Variants in SAMD12 observed in about 807,000 individuals in gnomAD.
SAMD12 encodes sterile alpha motif domain containing 12.
SAMD12 carries 9 observed loss-of-function variants against 15.0 expected under a neutral mutation model. The observed-to-expected ratio is 0.60, with a 90% CI of 0.36 to 1.05. SAMD12 has a LOEUF of 1.05. Among genes scored for constraint, SAMD12 ranks in the 50% least tolerant of loss-of-function variants. The pLI, the probability that SAMD12 is intolerant of heterozygous loss-of-function variation, is 0.01. For missense variants in SAMD12, 230 were observed against 234.2 expected, an observed-to-expected ratio of 0.98 and a Z score of 0.12; for synonymous variants, 86 against 90.1, an observed-to-expected ratio of 0.96 and a Z score of 0.25.
chr8:118,506,595 T>TA (rs1361034434), intron 2 of SAMD12, among the ~76,000 whole-genome samples: 2 of 151,996 alleles, frequency 1.3e-5, no homozygotes, highest in South Asian at 2.1e-4. Context: ...ATAAATGGAT[T>TA]AAAAAAAGTA....
chr8:118,271,048 T>C (rs1359764887), intron 4 of SAMD12, among the ~76,000 whole-genome samples: 3 of 152,214 alleles, frequency 2.0e-5, no homozygotes, highest in Non-Finnish European at 2.9e-5. Flanking sequence ...GTTGGAATTC[T>C]GCAAACTGCT....
chr8:118,606,333 C>T (rs1827985095), intron 1 of SAMD12, among the ~76,000 whole-genome samples: 1 of 152,152 alleles, frequency 6.6e-6, no homozygotes, highest in South Asian at 2.1e-4. Flanking sequence ...TAAATCCAAG[C>T]TTTGCAACTA....
rs898528023 is a variant in SAMD12, at chr8:118,548,590, C to T, written c.192+32125G>A. Among the ~76,000 whole-genome samples the T allele has an allele frequency of 2.6e-5, 4 of 152,178 alleles. No homozygotes were observed. The South Asian group carries it at 6.2e-4, about 24-fold the overall frequency. On this transcript the variant is annotated intron_variant, in intron 2 of 3. Coordinates refer to ENST00000314727, the MANE Select transcript of SAMD12 (RefSeq NM_207506.3). ...AACAGCTCCAGTCTACAGCTCCCAG[C>T]GTGAGCGACGCAGAAGACGGGTGAT...
At chr8:118,391,592 T>C (rs2130755436) in intron 3 of SAMD12, among the ~76,000 whole-genome samples, 1 of 152,332 alleles carries the variant, frequency 6.6e-6, no homozygotes, top group Non-Finnish European at 1.5e-5. Context: ...GGTTCCTACA[T>C]GTGAATCAAT....
At chr8:118,239,747 C>T (rs916568641) in intron 4 of SAMD12, 3 of 152,248 alleles carry the variant, frequency 2.0e-5, no homozygotes, top group African/African-American at 7.2e-5. Context: ...TGTAAGCAAA[C>T]ACTCTTTTTT....
chr8:118,577,997 TAA>T (rs1413136137), intron 2 of SAMD12, among the ~76,000 whole-genome samples: 1 of 152,130 alleles, frequency 6.6e-6, no homozygotes, highest in Non-Finnish European at 1.5e-5. Context: ...GTACAGAAAG[TAA>T]AAGTTTTCTC....
chr8:118,440,194 T>C (rs1195201989), intron 2 of SAMD12, among the ~76,000 whole-genome samples: 2 of 151,944 alleles, frequency 1.3e-5, no homozygotes, highest in African/African-American at 4.8e-5. Flanking sequence ...TAAGAAAAAA[T>C]CCCAAGGAAT....
At chr8:118,548,526 T>TAC in intron 2 of SAMD12, among the ~76,000 whole-genome samples, 1 of 152,056 alleles carries the variant, frequency 6.6e-6, no homozygotes, top group African/African-American at 2.4e-5. Context: ...TTTGTTAACA[T>TAC]CTACAACTGG....
chr8:118,339,915 A>C (rs1817265598), intron 4 of SAMD12, among the ~76,000 whole-genome samples: 1 of 152,210 alleles, frequency 6.6e-6, no homozygotes, highest in Admixed American at 6.5e-5. Context: ...GAATAAAAGA[A>C]TGTGCTACCC....
chr8:118,132,042 C>T, the SAMD12 span, among the ~76,000 whole-genome samples: 1 of 152,166 alleles, frequency 6.6e-6, no homozygotes, highest in African/African-American at 2.4e-5. Flanking sequence ...AGTATTTCCA[C>T]ATATACACTT....
intron 2 of SAMD12, among the ~76,000 whole-genome samples, chr8:118,483,298 C>T (rs1215302498): frequency 6.6e-6 from 1 of 152,196 alleles, no homozygotes; most frequent in Non-Finnish European, 1.5e-5. Flanking sequence ...TTTAAGGAGA[C>T]ACTATTTTGC....
In SAMD12 at chr8:118,592,812, C is replaced by A. The variant is rs145182656; in HGVS notation, c.14-11919G>T. On this transcript the variant is annotated intron_variant, in intron 1 of 3. Transcript: ENST00000314727. ...AAGGTAGAAGGTTACAAAGGTCAGA[C>A]ACAGGCTTCAGGGAAGAAAAAGATA... is the stretch of plus-strand genomic sequence containing the variant. 6.6e-5 allele frequency among the ~76,000 whole-genome samples: 10 copies of A among 152,248 alleles called. No homozygotes were observed. In the East Asian group the frequency reaches 1.7e-3, roughly 26 times the overall value.
At chr8:118,261,379 G>A (rs1426367613) in intron 4 of SAMD12, among the ~76,000 whole-genome samples, 1 of 152,046 alleles carries the variant, frequency 6.6e-6, no homozygotes, top group South Asian at 2.1e-4. Context: ...CCAAGCCCCA[G>A]TCAGAAAACT....
intron 3 of SAMD12, among the ~76,000 whole-genome samples, chr8:118,387,301 A>G (rs186387695): frequency 1.4e-3 from 212 of 152,324 alleles, no homozygotes; most frequent in Non-Finnish European, 2.4e-3. Flanking sequence ...TCATCTCTTC[A>G]ATGGGGATGA....
intron 3 of SAMD12, among the ~76,000 whole-genome samples, chr8:118,406,210 TC>T (rs997185237): frequency 6.6e-5 from 10 of 151,568 alleles, no homozygotes; most frequent in Admixed American, 3.9e-4. Flanking sequence ...CACTATGGAT[TC>T]TTTTTTTTTT....
At position 118,472,015 on chromosome 8, in the gene SAMD12, C is replaced by T. The variant is rs1006826144; in HGVS notation, c.193-32054G>A. On this transcript the variant is annotated intron_variant, in intron 2 of 3. Coordinates refer to ENST00000314727, the MANE Select transcript of SAMD12 (RefSeq NM_207506.3). ...TAAAAAGTACACAATAGGCCGGGCG[C>T]GGTGGCTCACGCCTGTAATCCCAGC... Among the ~76,000 whole-genome samples the T allele has an allele frequency of 3.9e-5, 6 of 152,028 alleles. No homozygotes were observed. The East Asian group carries it at 5.8e-4, about 15-fold the overall frequency.
intron 2 of SAMD12, among the ~76,000 whole-genome samples, chr8:118,569,303 CTATA>C (rs769994508): frequency 6.6e-6 from 1 of 151,960 alleles, no homozygotes; most frequent in Non-Finnish European, 1.5e-5. Context: ...TGCCTTCAGG[CTATA>C]TATATAGGAT....
chr8:118,469,556 A>AATATATAAT lies in SAMD12; in HGVS notation c.193-29596_193-29595insATTATATAT, dbSNP rs1563879384. On this transcript the variant is annotated intron_variant, in intron 2 of 3. Coordinates refer to ENST00000314727, the MANE Select transcript of SAMD12 (RefSeq NM_207506.3). ...TTATATATATTATATTATTATATAT[A>AATATATAAT]ATATATTATATATGTATTTTTTTTG... Among the ~76,000 whole-genome samples, 4 of 2,800 alleles carry AATATATAAT rather than the reference A, an allele frequency of 1.4e-3. 1 individual carries two copies. The highest frequency in any genetic ancestry group is 1.7e-3 in the African/African-American group (3 of 1,774). 1.8% of individuals were successfully genotyped at this position (2,800 alleles called of 152,430 possible). A position where few individuals can be genotyped will look rare whatever the true frequency, so the allele number is the denominator to read the frequency against.
At chr8:118,164,741 A>G in the SAMD12 span, among the ~76,000 whole-genome samples, 1 of 151,760 alleles carries the variant, frequency 6.6e-6, no homozygotes, top group South Asian at 2.1e-4. Flanking sequence ...TTTAATCTAT[A>G]ATAGAGAAAT....
Sources: allele counts gnomAD v4.1 joint callset (sites outside exome capture counted in the v4.1 genomes callset), GRCh38; gene constraint gnomAD v4.1.1; transcripts MANE v1.5; gene names NCBI Gene and HGNC (gene_info 2026-07-23, HGNC 2026-07-21).